The following FMN1 variants were observed in gnomAD, a reference collection of about 807,000 sequenced individuals.
FMN1 encodes formin-1.
In FMN1, 110 loss-of-function variants were observed where a neutral mutation model predicts 132.4. The ratio of observed to expected loss-of-function variants is 0.83; its 90% CI spans 0.71 to 0.97. The LOEUF (loss-of-function observed/expected upper bound fraction) is 0.97, where lower values mean the gene tolerates loss of function less well. Among genes scored for constraint, FMN1 ranks in the 50% least tolerant of loss-of-function variants. The pLI, the probability that FMN1 is intolerant of heterozygous loss-of-function variation, is 0.00. For missense variants in FMN1, 1,792 were observed against 1,705.3 expected, an observed-to-expected ratio of 1.05 and a Z score of -0.90; for synonymous variants, 722 against 651.7, an observed-to-expected ratio of 1.11 and a Z score of -1.64.
intron 4 of FMN1, among the ~76,000 whole-genome samples, chr15:33,146,045 G>A (rs577372090): frequency 1.3e-5 from 2 of 149,318 alleles, no homozygotes; most frequent in Admixed American, 6.7e-5. Flanking sequence ...GTGCAATCTC[G>A]GCTCACTGTA....
chr15:32,984,978 C>A (rs1158861110), intron 7 of FMN1, among the ~76,000 whole-genome samples: 20 of 97,236 alleles, frequency 2.1e-4, no homozygotes, highest in African/African-American at 4.8e-4. Flanking sequence ...CATCCATCAC[C>A]AAAAAAAAAA....
intron 17 of FMN1, among the ~76,000 whole-genome samples, chr15:32,829,969 C>T (rs967649034): frequency 1.3e-5 from 2 of 152,060 alleles, no homozygotes; most frequent in Non-Finnish European, 2.9e-5. Context: ...TATGTAGAGA[C>T]CTTATGCTGG....
At chr15:32,830,696 G>C (rs936075011) in intron 17 of FMN1, among the ~76,000 whole-genome samples, 29 of 152,122 alleles carry the variant, frequency 1.9e-4, no homozygotes, top group Non-Finnish European at 4.1e-4. Context: ...AACAGAAAGA[G>C]GGGCAGTTAT....
chr15:32,821,076 G>A (rs1446102155), intron 17 of FMN1, among the ~76,000 whole-genome samples: 2 of 122,780 alleles, frequency 1.6e-5, no homozygotes, highest in African/African-American at 5.6e-5. Context: ...TGTTGGAGAT[G>A]GATAAACACT....
chr15:32,845,989 A>G (rs962394851), intron 17 of FMN1, among the ~76,000 whole-genome samples: 7 of 151,976 alleles, frequency 4.6e-5, no homozygotes, highest in African/African-American at 1.7e-4. Context: ...AGAACTTAAA[A>G]TCCTTTGCAA....
intron 6 of FMN1, among the ~76,000 whole-genome samples, chr15:33,016,373 T>G (rs1413077861): frequency 6.6e-6 from 1 of 152,212 alleles, no homozygotes; most frequent in African/African-American, 2.4e-5. Context: ...AAATGTGAGC[T>G]TTCATATTTA....
At position 32,767,024 on chromosome 15, in the gene FMN1, C is replaced by A. The variant is rs3812927; in HGVS notation, c.*7286G>T. The A allele has an allele frequency of 0.14, 20,678 of 152,126 alleles. 1,475 individuals carry two copies. Among genetic ancestry groups the A allele is most frequent in the Middle Eastern group, 0.18 (54 of 294 alleles). 9.4% of individuals were successfully genotyped at this position (152,126 alleles called of 1,614,324 possible). A position where few individuals can be genotyped will look rare whatever the true frequency, so the allele number is the denominator to read the frequency against. On this transcript the variant is annotated 3_prime_UTR_variant, in exon 21 of 21. Transcript: ENST00000616417. ...CAGACCAGTTTCACTGGGGTACCTG[C>A]TTTCCCAGTACATTGGCACTGATCA...
At chr15:33,112,136 G>C (rs1475292475) in intron 4 of FMN1, among the ~76,000 whole-genome samples, 2 of 152,068 alleles carry the variant, frequency 1.3e-5, no homozygotes, top group Non-Finnish European at 2.9e-5. Context: ...ATTTTTATTG[G>C]TTTCAACTTG....
At chr15:32,960,219 C>A (rs1283867643) in intron 9 of FMN1, among the ~76,000 whole-genome samples, 1 of 152,124 alleles carries the variant, frequency 6.6e-6, no homozygotes, top group Admixed American at 6.5e-5. Context: ...AAAGATACTA[C>A]CAACATGGCA....
chr15:33,019,249 G>A (rs1483160745), intron 6 of FMN1, among the ~76,000 whole-genome samples: 1 of 152,192 alleles, frequency 6.6e-6, no homozygotes, highest in African/African-American at 2.4e-5. Context: ...AGATTAGCTA[G>A]ATACAGAGTG....
intron 16 of FMN1, among the ~76,000 whole-genome samples, chr15:32,870,823 G>A (rs2059497642): frequency 6.6e-6 from 1 of 152,048 alleles, no homozygotes; most frequent in South Asian, 2.1e-4. Flanking sequence ...CACAAAAATC[G>A]CCACCATGAG....
intron 4 of FMN1, among the ~76,000 whole-genome samples, chr15:33,093,836 A>G (rs1292910831): frequency 1.3e-5 from 2 of 152,270 alleles, no homozygotes; most frequent in Non-Finnish European, 2.9e-5. Context: ...CCATCAGGCA[A>G]CTGCAATGTA....
rs540003307 is a variant in FMN1 at position 32,872,489 on chromosome 15, G to A, written c.3836-15382C>T. Reference sequence around the variant, plus strand: ...AGGAAAATAGTACTCCTATAGGAATGCTTAAATACTAAATATGTCCTCTGA... The same window carrying A: ...AGGAAAATAGTACTCCTATAGGAATACTTAAATACTAAATATGTCCTCTGA... On this transcript the variant is annotated intron_variant, in intron 16 of 20. Coordinates refer to ENST00000616417, the MANE Select transcript of FMN1 (RefSeq NM_001277313.2). Among the ~76,000 whole-genome samples, 3 of 152,218 alleles carry A rather than the reference G, an allele frequency of 2.0e-5. 1 individual carries two copies. The South Asian group carries it at 6.2e-4, about 32-fold the overall frequency.
intron 9 of FMN1, among the ~76,000 whole-genome samples, chr15:32,960,536 T>C (rs2030392904): frequency 6.6e-6 from 1 of 152,226 alleles, no homozygotes; most frequent in Non-Finnish European, 1.5e-5. Flanking sequence ...AGAAACATTT[T>C]GATCATGATT....
intron 9 of FMN1, among the ~76,000 whole-genome samples, chr15:32,962,006 C>T (rs1188705551): frequency 6.6e-6 from 1 of 152,042 alleles, no homozygotes; most frequent in African/African-American, 2.4e-5. Context: ...CAGACCTCAC[C>T]CCCACCCTAC....
intron 6 of FMN1, among the ~76,000 whole-genome samples, chr15:33,050,588 T>A (rs936233495): frequency 1.3e-5 from 2 of 152,214 alleles, no homozygotes; most frequent in Non-Finnish European, 2.9e-5. Flanking sequence ...ACCCATTACA[T>A]AGGCATAAAT....
intron 3 of FMN1, among the ~76,000 whole-genome samples, chr15:33,162,292 G>A (rs958408715): frequency 3.9e-5 from 6 of 152,042 alleles, no homozygotes; most frequent in Non-Finnish European, 8.8e-5. Context: ...GGATTACAGG[G>A]GTGAGCCACT....
intron 4 of FMN1, among the ~76,000 whole-genome samples, chr15:33,096,641 C>A (rs1351375251): frequency 6.6e-6 from 1 of 151,814 alleles, no homozygotes; most frequent in South Asian, 2.1e-4. Flanking sequence ...ACTATATCAT[C>A]TAGGCTGGAG....
At chr15:33,110,126 G>A (rs1295853055) in intron 4 of FMN1, among the ~76,000 whole-genome samples, 2 of 151,926 alleles carry the variant, frequency 1.3e-5, no homozygotes, top group African/African-American at 4.8e-5. Context: ...ACAATATAAC[G>A]CTTCTCCTAG....
Sources: allele counts gnomAD v4.1 joint callset (sites outside exome capture counted in the v4.1 genomes callset), GRCh38; gene constraint gnomAD v4.1.1; transcripts MANE v1.5; gene names NCBI Gene and HGNC (gene_info 2026-07-23, HGNC 2026-07-21).